CPLX2: variants seen among roughly 807,000 people sequenced by gnomAD.
CPLX2 encodes the protein complexin 2.
Under a neutral mutation model 16.3 loss-of-function variants are expected in CPLX2, and 5 were observed. The observed-to-expected ratio is 0.31, with a 90% CI of 0.16 to 0.64. CPLX2 has a LOEUF of 0.64. CPLX2 is among the 30% of genes least tolerant of loss of function. CPLX2 has a pLI of 0.79. For missense variants in CPLX2, 144 were observed against 181.4 expected (o/e 0.79, Z 1.18); for synonymous variants, 89 against 73.2 (o/e 1.22, Z -1.10).
chr5:175,862,573 CA>C (rs1483653687), intron 2 of CPLX2, among the ~76,000 whole-genome samples: 6 of 152,310 alleles, frequency 3.9e-5, no homozygotes, highest in African/African-American at 1.4e-4. Context: ...TATGAGACTG[CA>C]GAAAGCAGTC....
chr5:175,868,756 TA>T (rs1157455935), upstream of CPLX2, among the ~76,000 whole-genome samples: 3 of 150,866 alleles, frequency 2.0e-5, no homozygotes, highest in South Asian at 2.1e-4. Context: ...AATGCCAATG[TA>T]AAAAAAAATC....
Position 175,830,872 on chromosome 5 carries a change from G to A in CPLX2, c.-89+21804G>A, listed in dbSNP as rs989822132. On this transcript the variant is annotated intron_variant, in intron 2 of 4. Transcript: ENST00000359546. The surrounding 1 kb of genome is among the most constrained non-coding windows in gnomAD (Gnocchi z 4.0). ...CCTGCCAAGGGAAGCAGGTGGGTCT[G>A]CTCCAAACAAGCCTCGATTTTACCA... 6.6e-6 allele frequency among the ~76,000 whole-genome samples: 1 copy of A among 152,200 alleles called. No homozygotes were observed. The highest frequency in any genetic ancestry group is 2.4e-5 in the African/African-American group (1 of 41,450).
At chr5:175,837,555 AC>A (rs1758860895) in intron 2 of CPLX2, 1 of 152,248 alleles carries the variant, frequency 6.6e-6, no homozygotes, top group African/African-American at 2.4e-5. Flanking sequence ...AAGGAGCTGG[AC>A]CAGAAGGCTG....
chr5:175,822,791 C>T (rs1758537502), intron 2 of CPLX2, among the ~76,000 whole-genome samples: 1 of 152,206 alleles, frequency 6.6e-6, no homozygotes, highest in Non-Finnish European at 1.5e-5. Flanking sequence ...GTGGACTCAG[C>T]CCTAACCCAT....
chr5:175,866,941 T>G (rs919135332), upstream of CPLX2, among the ~76,000 whole-genome samples: 1 of 151,962 alleles, frequency 6.6e-6, no homozygotes, highest in African/African-American at 2.4e-5. Flanking sequence ...TCAGCAGGCT[T>G]GGTGGTGCAC....
At chr5:175,879,525 T>C (rs1281740723) in intron 3 of CPLX2, among the ~76,000 whole-genome samples, 1 of 152,198 alleles carries the variant, frequency 6.6e-6, no homozygotes, top group Non-Finnish European at 1.5e-5. Flanking sequence ...AGTCTTCCAT[T>C]GGTTCAAGTC....
chr5:175,868,923 T>C (rs1014406985), upstream of CPLX2, among the ~76,000 whole-genome samples: 1 of 152,138 alleles, frequency 6.6e-6, no homozygotes, highest in Non-Finnish European at 1.5e-5. Context: ...GCCTCAACTT[T>C]CCCATCTTGA....
At chr5:175,859,474 A>G (rs1301932343) in intron 2 of CPLX2, among the ~76,000 whole-genome samples, 2 of 152,204 alleles carry the variant, frequency 1.3e-5, no homozygotes, top group Admixed American at 1.3e-4. Context: ...CCTGCTCCCA[A>G]ATGGTCTCTT....
At chr5:175,860,255 T>A (rs1759335637) in intron 2 of CPLX2, among the ~76,000 whole-genome samples, 1 of 151,488 alleles carries the variant, frequency 6.6e-6, no homozygotes, top group Admixed American at 6.6e-5. Flanking sequence ...CATTGGGAGG[T>A]CAAGGCAGGA....
intron 1 of CPLX2, among the ~76,000 whole-genome samples, chr5:175,808,321 A>G (rs1758249915): frequency 2.0e-5 from 3 of 152,138 alleles, no homozygotes; most frequent in Admixed American, 6.5e-5. Flanking sequence ...TCAGTCAACA[A>G]TTATTTACTG....
At chr5:175,852,735 G>A (rs1759181629) in intron 2 of CPLX2, among the ~76,000 whole-genome samples, 2 of 152,210 alleles carry the variant, frequency 1.3e-5, no homozygotes, top group African/African-American at 4.8e-5. Flanking sequence ...CCTGGTACTG[G>A]AAGAGCTGAG....
chr5:175,856,695 A>G (rs1467249115), intron 2 of CPLX2, among the ~76,000 whole-genome samples: 2 of 152,262 alleles, frequency 1.3e-5, no homozygotes, highest in East Asian at 3.9e-4. Flanking sequence ...TCATCTACAG[A>G]CAGAGATGAC....
chr5:175,879,031 ACG>A lies in CPLX2; in HGVS notation c.161_162del (p.Arg54HisfsTer15). On this transcript the variant is annotated frameshift_variant, in exon 3 of 4. Coordinates refer to ENST00000393745, the MANE Select transcript of CPLX2 (RefSeq NM_001008220.2). LOFTEE classifies it high-confidence loss of function. ...CAGGAGGAGGAGCGTAAGGCCAAGCACGCGCGCATGGAGGCGGAGCGGGAGAA... is the reference window on the plus strand; with the variant it reads ...CAGGAGGAGGAGCGTAAGGCCAAGCACGCGCATGGAGGCGGAGCGGGAGAA... The A allele has an allele frequency of 6.3e-7, 1 of 1,593,142 alleles. No homozygotes were observed. The highest frequency in any genetic ancestry group is 8.5e-7 in the Non-Finnish European group (1 of 1,170,294).
intron 2 of CPLX2, among the ~76,000 whole-genome samples, chr5:175,826,104 A>AC (rs994203824): frequency 1.3e-5 from 2 of 152,010 alleles, no homozygotes; most frequent in African/African-American, 2.4e-5. Flanking sequence ...GACTAGCGGC[A>AC]CCACGAGGTT....
At chr5:175,803,663 G>A (rs1758140668) in intron 1 of CPLX2, among the ~76,000 whole-genome samples, 1 of 152,212 alleles carries the variant, frequency 6.6e-6, no homozygotes, top group South Asian at 2.1e-4. Context: ...GACCTTGAAG[G>A]CTGAGGGAGT....
At chr5:175,808,604 G>C (rs1397854541) in intron 1 of CPLX2, among the ~76,000 whole-genome samples, 2 of 152,140 alleles carry the variant, frequency 1.3e-5, no homozygotes, top group East Asian at 3.9e-4. Flanking sequence ...GGCTCAGAGA[G>C]GACATCCCCA....
intron 1 of CPLX2, among the ~76,000 whole-genome samples, chr5:175,804,013 C>T (rs1047973142): frequency 6.6e-6 from 1 of 152,186 alleles, no homozygotes; most frequent in African/African-American, 2.4e-5. Context: ...CAGTAAGACA[C>T]CTGCCTCTGG....
intron 1 of CPLX2, among the ~76,000 whole-genome samples, chr5:175,799,576 A>ATATATATAT (rs1758054785): frequency 7.0e-6 from 1 of 142,504 alleles, no homozygotes; most frequent in Non-Finnish European, 1.5e-5. Context: ...ATATATATAT[A>ATATATATAT]GTAATCACAG....
intron 2 of CPLX2, among the ~76,000 whole-genome samples, chr5:175,835,679 A>C (rs1016995696): frequency 2.0e-5 from 3 of 151,518 alleles, no homozygotes; most frequent in Admixed American, 6.6e-5. Flanking sequence ...TGAGTTAGTA[A>C]GAGAAGTCTT....
Sources: allele counts gnomAD v4.1 joint callset (sites outside exome capture counted in the v4.1 genomes callset), GRCh38; gene constraint gnomAD v4.1.1; non-coding constraint Gnocchi (gnomAD v3.1); transcripts MANE v1.5; gene names NCBI Gene and HGNC (gene_info 2026-07-23, HGNC 2026-07-21).